The following PLXDC2 variants were observed in gnomAD, a reference collection of about 807,000 sequenced individuals.
PLXDC2 encodes the protein plexin domain-containing protein 2.
Under a neutral mutation model 68.9 loss-of-function variants are expected in PLXDC2, and 40 were observed. That is an observed-to-expected ratio of 0.58 (90% CI 0.45 to 0.76). The LOEUF (loss-of-function observed/expected upper bound fraction) is 0.76, where lower values mean the gene tolerates loss of function less well. PLXDC2 is among the 30% of genes least tolerant of loss of function. PLXDC2 has a pLI of 0.00. For synonymous variants in PLXDC2, 243 were observed against 234.2 expected, an observed-to-expected ratio of 1.04 and a Z score of -0.34; for missense variants, 644 against 661.9, an observed-to-expected ratio of 0.97 and a Z score of 0.30.
At chr10:20,129,585 C>T (rs908737457) in intron 4 of PLXDC2, among the ~76,000 whole-genome samples, 2 of 110,436 alleles carry the variant, frequency 1.8e-5, no homozygotes, top group Admixed American at 9.0e-5. Context: ...ATATATGTAG[C>T]CCAGATCAAT....
chr10:20,136,050 T>C (rs1833928723), intron 4 of PLXDC2, among the ~76,000 whole-genome samples: 2 of 152,156 alleles, frequency 1.3e-5, no homozygotes, highest in African/African-American at 2.4e-5. Flanking sequence ...ATTTGGTGAT[T>C]GACAATATTA....
intron 4 of PLXDC2, among the ~76,000 whole-genome samples, chr10:20,134,701 A>G (rs1056460594): frequency 2.0e-5 from 3 of 152,164 alleles, no homozygotes; most frequent in African/African-American, 2.4e-5. Flanking sequence ...GTGAAGGCCA[A>G]ACTACTTTGT....
At chr10:20,182,071 T>TTGTG (rs111252782) in intron 9 of PLXDC2, among the ~76,000 whole-genome samples, 15,190 of 146,444 alleles carry the variant, frequency 0.1, 1,154 homozygotes, top group African/African-American at 0.22. Context: ...AACCGGTTAT[T>TTGTG]TGTGTGTGTG....
chr10:20,256,553 AAATTT>A (rs1835744790), intron 13 of PLXDC2, among the ~76,000 whole-genome samples: 1 of 152,218 alleles, frequency 6.6e-6, no homozygotes, highest in African/African-American at 2.4e-5. Flanking sequence ...AAAGTAAAAT[AAATTT>A]GTTATAATTA....
Position 19,968,634 on chromosome 10 carries a change from T to C in PLXDC2, c.113-33141T>C, listed in dbSNP as rs115621027. On this transcript the variant is annotated intron_variant, in intron 1 of 13. Coordinates refer to ENST00000377252, the MANE Select transcript of PLXDC2 (RefSeq NM_032812.9). Reference sequence around the variant, plus strand: ...GGCCCATTTCTAAAAATCTGTTTGGTTTTGGGGCGGAGTGTCATTTTGAAC... The same window carrying C: ...GGCCCATTTCTAAAAATCTGTTTGGCTTTGGGGCGGAGTGTCATTTTGAAC... Among the ~76,000 whole-genome samples, 1,415 of 152,158 alleles carry C rather than the reference T, an allele frequency of 9.3e-3. 23 individuals are homozygous for C. The highest frequency in any genetic ancestry group is 0.032 in the African/African-American group (1,333 of 41,520).
At chr10:20,233,836 A>G (rs1835396500) in intron 12 of PLXDC2, among the ~76,000 whole-genome samples, 1 of 151,986 alleles carries the variant, frequency 6.6e-6, no homozygotes, top group Admixed American at 6.6e-5. Flanking sequence ...TTTTTTTTAG[A>G]GGCAGGCATG....
intron 10 of PLXDC2, among the ~76,000 whole-genome samples, chr10:20,212,873 T>A (rs1835087476): frequency 6.6e-6 from 1 of 152,126 alleles, no homozygotes; most frequent in South Asian, 2.1e-4. Context: ...CATAGTTGTG[T>A]TTTGAGACAA....
chr10:20,164,609 G>A, intron 7 of PLXDC2, 42 bp downstream of exon 7: 2 of 1,480,326 alleles, frequency 1.4e-6, no homozygotes, highest in Non-Finnish European at 1.9e-6. Flanking sequence ...AGCCTCTGTG[G>A]GGGTAAATTT....
chr10:19,886,442 T>C (rs1003194008), intron 1 of PLXDC2, among the ~76,000 whole-genome samples: 1 of 152,196 alleles, frequency 6.6e-6, no homozygotes, highest in Non-Finnish European at 1.5e-5. Flanking sequence ...CAAGTGGGCT[T>C]CATCCCTGGG....
At chr10:19,885,128 T>G (rs2131354442) in intron 1 of PLXDC2, among the ~76,000 whole-genome samples, 1 of 152,290 alleles carries the variant, frequency 6.6e-6, no homozygotes, top group African/African-American at 2.4e-5. Flanking sequence ...TTTTCATGTG[T>G]TTTTTGGCTG....
chr10:20,229,778 G>A (rs1159833357), intron 12 of PLXDC2, among the ~76,000 whole-genome samples: 2 of 152,192 alleles, frequency 1.3e-5, no homozygotes, highest in African/African-American at 4.8e-5. Context: ...AAGGACAGCA[G>A]TTAATTATCT....
chr10:20,134,012 T>C (rs1833902101), intron 4 of PLXDC2, among the ~76,000 whole-genome samples: 1 of 152,214 alleles, frequency 6.6e-6, no homozygotes, highest in African/African-American at 2.4e-5. Context: ...ATGGAATTTT[T>C]CAGTTCAGTT....
At chr10:20,230,169 A>C (rs1401586475) in intron 12 of PLXDC2, among the ~76,000 whole-genome samples, 1 of 152,254 alleles carries the variant, frequency 6.6e-6, no homozygotes, top group Non-Finnish European at 1.5e-5. Flanking sequence ...GACTTTTAAG[A>C]AAGCCAGATC....
intron 1 of PLXDC2, among the ~76,000 whole-genome samples, chr10:19,869,066 G>T (rs867228402): frequency 3.3e-5 from 5 of 152,208 alleles, no homozygotes; most frequent in Middle Eastern, 6.8e-3. Context: ...AGAACTCAGG[G>T]TTCAAGATTT....
At chr10:19,940,981 G>C (rs546140055) in intron 1 of PLXDC2, among the ~76,000 whole-genome samples, 13 of 152,310 alleles carry the variant, frequency 8.5e-5, no homozygotes, top group African/African-American at 2.9e-4. Context: ...GGTGAGAAGA[G>C]ATTAGTTCTT....
intron 12 of PLXDC2, among the ~76,000 whole-genome samples, chr10:20,237,202 TA>T (rs1240191118): frequency 6.6e-6 from 1 of 152,180 alleles, no homozygotes; most frequent in Non-Finnish European, 1.5e-5. Context: ...TCACAGTGAT[TA>T]CCCTAATCCC....
At chr10:19,960,190 C>CAAAAA (rs33975315) in intron 1 of PLXDC2, among the ~76,000 whole-genome samples, 1 of 87,348 alleles carries the variant, frequency 1.1e-5, no homozygotes, top group Non-Finnish European at 2.1e-5. Context: ...GAGCTCGTCT[C>CAAAAA]AAAAAAAAAA....
chr10:20,245,838 C>A (rs1835587094), intron 13 of PLXDC2, among the ~76,000 whole-genome samples: 1 of 152,202 alleles, frequency 6.6e-6, no homozygotes, highest in South Asian at 2.1e-4. Flanking sequence ...GGAGGAAATA[C>A]TACGTATCTG....
intron 13 of PLXDC2, among the ~76,000 whole-genome samples, chr10:20,259,567 C>A (rs1004979295): frequency 9.8e-5 from 15 of 152,300 alleles, no homozygotes; most frequent in African/African-American, 3.1e-4. Context: ...TAATAACAAA[C>A]CGCCCATAGC....
Sources: allele counts gnomAD v4.1 joint callset (sites outside exome capture counted in the v4.1 genomes callset), GRCh38; gene constraint gnomAD v4.1.1; transcripts MANE v1.5; gene names NCBI Gene and HGNC (gene_info 2026-07-23, HGNC 2026-07-21).